Variants in RGS7 observed in about 807,000 individuals in gnomAD.
RGS7 encodes the protein regulator of G-protein signaling 7.
RGS7 carries 27 observed loss-of-function variants against 81.1 expected under a neutral mutation model. The observed-to-expected ratio is 0.33, with a 90% CI of 0.25 to 0.46. The LOEUF (loss-of-function observed/expected upper bound fraction) is 0.46. Ranked by LOEUF, RGS7 falls within the 20% of genes least tolerant of loss-of-function variation. RGS7 has a pLI of 1.00. For missense variants in RGS7, 396 were observed against 607.4 expected, an observed-to-expected ratio of 0.65 and a Z score of 3.66; for synonymous variants, 208 against 207.7, an observed-to-expected ratio of 1.00 and a Z score of -0.01.
chr1:241,222,611 A>G (rs989665738), intron 2 of RGS7, among the ~76,000 whole-genome samples: 2 of 152,166 alleles, frequency 1.3e-5, no homozygotes, highest in Non-Finnish European at 2.9e-5. Flanking sequence ...GGATACATGC[A>G]TTATCTTACT....
intron 4 of RGS7, among the ~76,000 whole-genome samples, chr1:240,950,442 C>T (rs1679371236): frequency 6.6e-6 from 1 of 152,102 alleles, no homozygotes. Flanking sequence ...TTGTCTCTCA[C>T]CGAAGGGAGG....
At chr1:240,778,966 CTCTGG>C (rs1256457894) in intron 18 of RGS7, among the ~76,000 whole-genome samples, 25 of 105,872 alleles carry the variant, frequency 2.4e-4, no homozygotes, top group African/African-American at 1.3e-3. Flanking sequence ...CTCCTGCCTG[CTCTGG>C]TCTGTCTGTC....
intron 2 of RGS7, among the ~76,000 whole-genome samples, chr1:241,307,466 A>C (rs2080246698): frequency 6.6e-6 from 1 of 152,184 alleles, no homozygotes; most frequent in Non-Finnish European, 1.5e-5. Flanking sequence ...TAGGCCCTTT[A>C]AATCTATTTA....
chr1:241,350,741 CAAAAAAAAAA>C (rs71172699), intron 2 of RGS7, among the ~76,000 whole-genome samples: 8 of 88,552 alleles, frequency 9.0e-5, no homozygotes, highest in Admixed American at 1.2e-4. Context: ...GACCCCATCT[CAAAAAAAAAA>C]AAAAAAAAAA....
chr1:241,121,965 A>G (rs4521979), intron 2 of RGS7, among the ~76,000 whole-genome samples: 29,335 of 151,986 alleles, frequency 0.19, 2,970 homozygotes, highest in African/African-American at 0.24. Flanking sequence ...TAGCCTCCCA[A>G]AATGCTGGGA....
At chr1:241,074,930 C>T (rs1002694010) in intron 3 of RGS7, among the ~76,000 whole-genome samples, 6 of 152,138 alleles carry the variant, frequency 3.9e-5, no homozygotes, top group African/African-American at 1.4e-4. Context: ...AATTGCTTAG[C>T]ACAGAAGGCT....
intron 6 of RGS7, among the ~76,000 whole-genome samples, chr1:240,899,829 G>T (rs1480836472): frequency 1.3e-5 from 2 of 152,082 alleles, no homozygotes; most frequent in African/African-American, 4.8e-5. Flanking sequence ...TTGAATGTTG[G>T]CCTGCCTTGC....
chr1:241,109,217 C>T (rs1375801354), intron 2 of RGS7, among the ~76,000 whole-genome samples: 1 of 151,974 alleles, frequency 6.6e-6, no homozygotes, highest in African/African-American at 2.4e-5. Context: ...CTCCTGCCTG[C>T]CTCACCTTCT....
chr1:240,990,768 T>C (rs1045454386), intron 3 of RGS7, among the ~76,000 whole-genome samples: 4 of 152,284 alleles, frequency 2.6e-5, no homozygotes, highest in Admixed American at 2.6e-4. Context: ...ATCTCAAAGG[T>C]CAATGGAAAC....
At chr1:241,262,712 G>A (rs545191266) in intron 2 of RGS7, among the ~76,000 whole-genome samples, 15 of 152,232 alleles carry the variant, frequency 9.9e-5, no homozygotes, top group African/African-American at 3.6e-4. Context: ...CAGAGATACT[G>A]CACTTCTTCA....
chr1:241,236,170 G>GC (rs869291634), intron 2 of RGS7, among the ~76,000 whole-genome samples: 1 of 119,514 alleles, frequency 8.4e-6, no homozygotes, highest in Non-Finnish European at 1.8e-5. Context: ...GACGACCTCC[G>GC]CCCCCCATAT....
chr1:241,249,728 A>C (rs1005642821), intron 2 of RGS7, among the ~76,000 whole-genome samples: 4 of 152,142 alleles, frequency 2.6e-5, no homozygotes, highest in Non-Finnish European at 4.4e-5. Flanking sequence ...ATCTCTTTCT[A>C]AGTATGTCTT....
intron 6 of RGS7, among the ~76,000 whole-genome samples, chr1:240,877,973 T>C (rs1425546625): frequency 6.6e-6 from 1 of 152,156 alleles, no homozygotes; most frequent in Non-Finnish European, 1.5e-5. Flanking sequence ...AAACCCTCCC[T>C]TTTATCTACT....
chr1:241,202,933 C>T (rs1277263612), intron 2 of RGS7, among the ~76,000 whole-genome samples: 1 of 152,070 alleles, frequency 6.6e-6, no homozygotes, highest in African/African-American at 2.4e-5. Flanking sequence ...GAGAAACATG[C>T]TTCTGAGTCC....
chr1:240,843,474 C>T (rs1232419002), intron 9 of RGS7, among the ~76,000 whole-genome samples: 1 of 152,122 alleles, frequency 6.6e-6, no homozygotes, highest in African/African-American at 2.4e-5. Flanking sequence ...CTATGTTGCC[C>T]AGGCTGGTCT....
intron 2 of RGS7, among the ~76,000 whole-genome samples, chr1:241,155,544 C>A: frequency 7.5e-6 from 1 of 133,514 alleles, no homozygotes; most frequent in African/African-American, 2.8e-5. Context: ...CTGAGAAGCA[C>A]ATTGTTCAAA....
chr1:241,067,852 A>T (rs1273494031), intron 3 of RGS7, among the ~76,000 whole-genome samples: 1 of 148,862 alleles, frequency 6.7e-6, no homozygotes, highest in Non-Finnish European at 1.5e-5. Flanking sequence ...ACCTGCAAGT[A>T]GATTAATTAT....
At chr1:240,879,821 T>C (rs1666076871) in intron 6 of RGS7, among the ~76,000 whole-genome samples, 1 of 152,182 alleles carries the variant, frequency 6.6e-6, no homozygotes, top group South Asian at 2.1e-4. Context: ...TATCATAAAC[T>C]CTGTCATAGT....
At chr1:240,983,795 T>G (rs183290033) in intron 3 of RGS7, among the ~76,000 whole-genome samples, 1 of 152,324 alleles carries the variant, frequency 6.6e-6, no homozygotes, top group Admixed American at 6.5e-5. Flanking sequence ...GTTTATTTGA[T>G]GAATGCCCCA....
Sources: gnomAD v4.1 joint callset for allele counts (sites outside exome capture counted in the v4.1 genomes callset) on GRCh38, gnomAD v4.1.1 for gene constraint, MANE v1.5 for transcripts, NCBI Gene and HGNC (gene_info 2026-07-23, HGNC 2026-07-21) for gene names.